Variants in GOLIM4 observed in about 807,000 individuals in gnomAD.
The protein encoded by GOLIM4 is 130 kDa golgi-localized phosphoprotein.
In GOLIM4, 71 loss-of-function variants were observed where a neutral mutation model predicts 107.4. That is an observed-to-expected ratio of 0.66 (90% CI 0.55 to 0.81). The LOEUF (loss-of-function observed/expected upper bound fraction) is 0.81. Among genes scored for constraint, GOLIM4 ranks in the 30% least tolerant of loss-of-function variants. The pLI is 0.00. For synonymous variants in GOLIM4, 327 were observed against 294.8 expected, an observed-to-expected ratio of 1.11 and a Z score of -1.12; for missense variants, 830 against 826.1, an observed-to-expected ratio of 1.00 and a Z score of -0.06.
At chr3:168,075,244 A>G (rs1721009649) in intron 1 of GOLIM4, among the ~76,000 whole-genome samples, 1 of 151,280 alleles carries the variant, frequency 6.6e-6, no homozygotes. Context: ...TATTTCTTTA[A>G]GTTAGAAAAC....
At position 168,010,305 on chromosome 3, in the gene GOLIM4, T is replaced by C. The variant is rs759715679; in HGVS notation, c.2055A>G (p.Ala685=). The change falls in exon 16 of 16, where the codon GCA becomes GCG. Residue 685 remains alanine (A), a synonymous_variant. Coordinates refer to ENST00000470487, the MANE Select transcript of GOLIM4 (RefSeq NM_014498.5). Reference sequence around the variant, plus strand: ...CTCTTCGATGTGATTTCTCAGCAACTGCAGCCCCGTCTTCTTCCTCCTCTT... The same window carrying C: ...CTCTTCGATGTGATTTCTCAGCAACCGCAGCCCCGTCTTCTTCCTCCTCTT... ...EEEEEEEDGA[A]VAEKSHRRAE... 6.2e-7 allele frequency: 1 copy of C among 1,613,748 alleles called. No homozygotes were observed. Among genetic ancestry groups the C allele is most frequent in the African/African-American group, 1.3e-5 (1 of 74,896 alleles).
intron 1 of GOLIM4, among the ~76,000 whole-genome samples, chr3:168,070,264 G>A (rs1044938709): frequency 2.0e-5 from 3 of 152,176 alleles, no homozygotes; most frequent in African/African-American, 4.8e-5. Context: ...GTGGTGGCAC[G>A]CACCTGTAGT....
At chr3:168,054,592 TTTG>T (rs1439317065) in intron 1 of GOLIM4, among the ~76,000 whole-genome samples, 1 of 152,118 alleles carries the variant, frequency 6.6e-6, no homozygotes, top group African/African-American at 2.4e-5. Context: ...ATCATCATGC[TTTG>T]TTTTTACTTA....
At chr3:168,091,969 T>C (rs1721937086) in intron 1 of GOLIM4, among the ~76,000 whole-genome samples, 1 of 152,144 alleles carries the variant, frequency 6.6e-6, no homozygotes, top group Non-Finnish European at 1.5e-5. Context: ...TTTATAGAGG[T>C]GTGGCTCTCA....
chr3:168,029,959 C>T lies in GOLIM4; in HGVS notation c.1254G>A (p.Val418=). 2 of 1,614,204 alleles carry T rather than the reference C, an allele frequency of 1.2e-6. No individual in the cohort carries two copies. The highest frequency in any genetic ancestry group is 1.7e-6 in the Non-Finnish European group (2 of 1,180,040). ...GCTGCTGGGCCTCCTCCACCTGCTGCACTGCCAGTCTCTGCTGTTCCAACT... is the reference window on the plus strand; with the variant it reads ...GCTGCTGGGCCTCCTCCACCTGCTGTACTGCCAGTCTCTGCTGTTCCAACT... ...EEQLEQQRLA[V]QQVEEAQQLR... is the part of the protein sequence containing the mutation. Residue 418 remains valine (V), a synonymous_variant, in exon 10 of 16, where the codon GTG becomes GTA. Transcript: ENST00000470487.
chr3:168,058,906 A>T (rs906513056), intron 1 of GOLIM4, among the ~76,000 whole-genome samples: 5 of 152,162 alleles, frequency 3.3e-5, no homozygotes, highest in Non-Finnish European at 5.9e-5. Context: ...TATTCCTCTT[A>T]TCTAGCAATC....
intron 1 of GOLIM4, among the ~76,000 whole-genome samples, chr3:168,061,007 G>A (rs750200552): frequency 2.0e-5 from 3 of 152,220 alleles, no homozygotes; most frequent in Non-Finnish European, 2.9e-5. Context: ...GCAGGTCATC[G>A]CAGCAACCTA....
intron 1 of GOLIM4, among the ~76,000 whole-genome samples, chr3:168,070,336 T>C (rs901074100): frequency 2.4e-4 from 36 of 152,310 alleles, no homozygotes; most frequent in African/African-American, 8.7e-4. Context: ...GAGGTTGCAG[T>C]AAGCCGAGAT....
At chr3:168,068,390 C>G (rs1461761381) in intron 1 of GOLIM4, among the ~76,000 whole-genome samples, 2 of 152,028 alleles carry the variant, frequency 1.3e-5, no homozygotes, top group African/African-American at 4.8e-5. Flanking sequence ...AAAAAAATCT[C>G]TTAAAATGTG....
intron 11 of GOLIM4, 138 bp downstream of exon 11, chr3:168,029,085 A>C (rs1560075129): frequency 1.8e-6 from 1 of 546,136 alleles, no homozygotes; most frequent in Non-Finnish European, 3.2e-6. Flanking sequence ...GGATTAAGAA[A>C]AAGACATGAT....
intron 1 of GOLIM4, among the ~76,000 whole-genome samples, chr3:168,061,230 A>G (rs1233440578): frequency 1.3e-5 from 2 of 152,194 alleles, no homozygotes; most frequent in Non-Finnish European, 2.9e-5. Context: ...GTGCTCAACT[A>G]AATTAGTTAT....
In GOLIM4 at chr3:168,032,810, G is replaced by C; in HGVS notation, c.886C>G (p.Pro296Ala). The stretch of plus-strand genomic sequence containing the variant: ...AGTTTTGTGTCTTCTGCTCTTCCAG[G>C]AACTGCTTCATGGTTCTGCCACACA... ...NDVWQNHEAV[P>A]GRAEDTKLYA... Residue 296 changes from proline to alanine, a missense_variant, in exon 9 of 16, where the codon CCT (proline) becomes GCT (alanine). Physicochemically the swap from Pro to Ala is conservative, Grantham distance 27 (BLOSUM62 -1). Coordinates refer to ENST00000470487, the MANE Select transcript of GOLIM4 (RefSeq NM_014498.5). 1.2e-6 allele frequency: 2 copies of C among 1,613,860 alleles called. No individual in the cohort carries two copies. Among genetic ancestry groups the C allele is most frequent in the Non-Finnish European group, 1.7e-6 (2 of 1,179,912 alleles).
intron 8 of GOLIM4, among the ~76,000 whole-genome samples, chr3:168,033,560 TTG>T: frequency 8.1e-6 from 1 of 123,782 alleles, no homozygotes; most frequent in African/African-American, 3.2e-5. Context: ...TGAGCCGAGA[TTG>T]CGCCACTGCA....
intron 15 of GOLIM4, 110 bp downstream of exon 15, chr3:168,010,633 A>G: frequency 1.1e-6 from 1 of 887,872 alleles, no homozygotes. Context: ...GTGGTAACTC[A>G]GAGGTACCAT....
chr3:168,095,421 C>G lies in GOLIM4; in HGVS notation c.-136G>C. The G allele has an allele frequency of 1.4e-6, 1 of 691,342 alleles. No individual in the cohort carries two copies. Among genetic ancestry groups the G allele is most frequent in the Non-Finnish European group, 2.3e-6 (1 of 429,762 alleles). 42.8% of individuals were successfully genotyped at this position (691,342 alleles called of 1,614,324 possible). ...GGAGATGCCAGACACAAAAGCCGGC[C>G]CGGAGGGGAAGTGGCGCCCGCTCAG... On this transcript the variant is annotated 5_prime_UTR_variant, in exon 1 of 16. Coordinates refer to ENST00000470487, the MANE Select transcript of GOLIM4 (RefSeq NM_014498.5).
intron 1 of GOLIM4, among the ~76,000 whole-genome samples, chr3:168,057,523 C>T (rs2108264320): frequency 6.6e-6 from 1 of 152,210 alleles, no homozygotes; most frequent in South Asian, 2.1e-4. Context: ...GCAAGTGCCA[C>T]TTTTAAACCA....
chr3:168,081,075 T>A (rs569856235), intron 1 of GOLIM4, among the ~76,000 whole-genome samples: 21 of 152,308 alleles, frequency 1.4e-4, no homozygotes, highest in African/African-American at 5.1e-4. Context: ...CTGTGGTGAA[T>A]GTTAGCAGGA....
chr3:168,070,313 A>T (rs141968071), intron 1 of GOLIM4, among the ~76,000 whole-genome samples: 1 of 152,324 alleles, frequency 6.6e-6, no homozygotes, highest in Non-Finnish European at 1.5e-5. Flanking sequence ...GAATCACTTG[A>T]ACCCGGGAGG....
chr3:168,033,606 CAAAAAAAAAAAAAAAAAAAA>C (rs61728774), intron 8 of GOLIM4, among the ~76,000 whole-genome samples: 15 of 31,318 alleles, frequency 4.8e-4, no homozygotes, highest in South Asian at 3.4e-3. Context: ...GACTCCGTCT[CAAAAAAAAAAAAAAAAAAAA>C]AAAAAAAAAA....
Sources: allele counts gnomAD v4.1 joint callset (sites outside exome capture counted in the v4.1 genomes callset), GRCh38; gene constraint gnomAD v4.1.1; transcripts MANE v1.5; gene names NCBI Gene and HGNC (gene_info 2026-07-23, HGNC 2026-07-21).